Variants in RB1 observed in about 807,000 individuals in gnomAD.
RB1 encodes RB transcriptional corepressor 1, also known as retinoblastoma-associated protein.
In RB1, 18 loss-of-function variants were observed where a neutral mutation model predicts 135.4. The observed-to-expected ratio is 0.13, with a 90% CI of 0.09 to 0.20. The LOEUF is 0.20. Among genes scored for constraint, RB1 ranks in the 10% least tolerant of loss-of-function variants. RB1 has a pLI of 1.00. For synonymous variants in RB1, 365 were observed against 373.2 expected (o/e 0.98, Z 0.25); for missense variants, 868 against 1,110.0 (o/e 0.78, Z 3.10).
chr13:48,312,324 A>G (rs1952138401), intron 2 of RB1, among the ~76,000 whole-genome samples: 1 of 151,960 alleles, frequency 6.6e-6, no homozygotes, highest in Admixed American at 6.5e-5. Flanking sequence ...TCTTCCTTTC[A>G]TGTTGTGCCA....
intron 17 of RB1, among the ~76,000 whole-genome samples, chr13:48,436,849 A>C (rs1315860506): frequency 1.3e-5 from 2 of 152,180 alleles, no homozygotes; most frequent in African/African-American, 4.8e-5. Flanking sequence ...GCACAAAAAC[A>C]TTTCCTGTAA....
At chr13:48,411,690 T>A in intron 17 of RB1, 1 of 1,609,454 alleles carries the variant, frequency 6.2e-7, no homozygotes, top group Non-Finnish European at 8.5e-7. Flanking sequence ...ATTGATATTG[T>A]AAGGAACAAA....
chr13:48,466,283 C>A, intron 23 of RB1, among the ~76,000 whole-genome samples: 1 of 56,788 alleles, frequency 1.8e-5, no homozygotes, highest in Non-Finnish European at 4.8e-5. Flanking sequence ...GGGAGGCACC[C>A]CCCAGCAGGG....
chr13:48,336,617 T>C (rs929258772), intron 2 of RB1, among the ~76,000 whole-genome samples: 3 of 152,080 alleles, frequency 2.0e-5, no homozygotes, highest in African/African-American at 7.2e-5. Context: ...TCAATTTTGT[T>C]GATCTTTTCA....
intron 23 of RB1, among the ~76,000 whole-genome samples, chr13:48,472,790 G>A (rs578078295): frequency 1.1e-4 from 16 of 152,134 alleles, no homozygotes; most frequent in Admixed American, 1.0e-3. Context: ...CTAGTTCCAT[G>A]TTCATGTTTT....
At chr13:48,477,285 T>C (rs1949509817) in intron 25 of RB1, 70 bp from the exon 26 acceptor site, 1 of 1,109,332 alleles carries the variant, frequency 9.0e-7, no homozygotes, top group Non-Finnish European at 1.4e-6. Context: ...GAAAGCATCA[T>C]AGTTACTGGA....
At chr13:48,412,119 C>T (rs201217722) in intron 17 of RB1, 24 of 1,613,494 alleles carry the variant, frequency 1.5e-5, no homozygotes, top group Non-Finnish European at 1.9e-5. Context: ...CAGAATGCTT[C>T]CGTACATGTT....
At chr13:48,463,639 T>C in intron 20 of RB1, 92 bp from the exon 21 acceptor site, 1 of 859,006 alleles carries the variant, frequency 1.2e-6, no homozygotes, top group Non-Finnish European at 2.0e-6. Context: ...TAAACCTTTC[T>C]TTTTTGAGGC....
At chr13:48,316,943 G>T (rs894826296) in intron 2 of RB1, 1 of 361,984 alleles carries the variant, frequency 2.8e-6, no homozygotes, top group South Asian at 3.7e-5. Context: ...AGGCGTGCCC[G>T]CCCAAGGTGC....
chr13:48,380,223 G>T lies in RB1; in HGVS notation c.1480G>T (p.Val494Leu), dbSNP rs1465200753. ...MSLLACALEV[V>L]MATYSRSTSQ... ...TTTATTGGCGTGCGCTCTTGAGGTTGTAATGGCCACATATAGCAGTAAGTT... is the reference window on the plus strand; with the variant it reads ...TTTATTGGCGTGCGCTCTTGAGGTTTTAATGGCCACATATAGCAGTAAGTT... The change falls in exon 16 of 27, where the codon GTA (valine) becomes TTA (leucine). Residue 494 changes from valine (V) to leucine (L), a missense_variant. Val to Leu is a conservative substitution (Grantham distance 32). This residue lies in a region of RB1 where 641 missense variants were observed against 791.3 expected (regional missense o/e 0.81). Coordinates refer to ENST00000267163, the MANE Select transcript of RB1 (RefSeq NM_000321.3). The T allele has an allele frequency of 6.2e-7, 1 of 1,604,166 alleles. No individual in the cohort carries two copies. The highest frequency in any genetic ancestry group is 2.2e-5 in the East Asian group (1 of 44,614).
In RB1 at chr13:48,373,971, T is replaced by C. The variant is rs146569858; in HGVS notation, c.1215+479T>C. On this transcript the variant is annotated intron_variant, in intron 12 of 26. Coordinates refer to ENST00000267163, the MANE Select transcript of RB1 (RefSeq NM_000321.3). Reference sequence around the variant, plus strand: ...AGATAATACATTACCTGGATCCCATTTTTGCTAATTAAGAAGTCTTATGCC... The same window carrying C: ...AGATAATACATTACCTGGATCCCATCTTTGCTAATTAAGAAGTCTTATGCC... Among the ~76,000 whole-genome samples, 815 of 152,282 alleles carry C rather than the reference T, an allele frequency of 5.4e-3. 3 individuals carry two copies. Among genetic ancestry groups the C allele is most frequent in the Non-Finnish European group, 9.1e-3 (619 of 67,978 alleles).
chr13:48,434,371 CAGAT>C (rs1044325532), intron 17 of RB1, among the ~76,000 whole-genome samples: 5 of 152,036 alleles, frequency 3.3e-5, no homozygotes, highest in African/African-American at 4.8e-5. Flanking sequence ...AAAATTTTAA[CAGAT>C]AGATTATTTC....
chr13:48,449,352 T>C (rs900603909), intron 17 of RB1, among the ~76,000 whole-genome samples: 10 of 152,164 alleles, frequency 6.6e-5, no homozygotes, highest in African/African-American at 2.4e-4. Context: ...CCCCATTGCG[T>C]ATCTTTAGGT....
At chr13:48,366,544 G>T (rs1188479458) in intron 9 of RB1, among the ~76,000 whole-genome samples, 1 of 152,174 alleles carries the variant, frequency 6.6e-6, no homozygotes, top group East Asian at 1.9e-4. Context: ...CATGCCAATA[G>T]TTTTCTCTTG....
chr13:48,347,968 C>T lies in RB1; in HGVS notation c.539+105C>T, dbSNP rs1019763542. 51 of 837,818 alleles carry T rather than the reference C, an allele frequency of 6.1e-5. 1 individual carries two copies. Among genetic ancestry groups the T allele is most frequent in the Admixed American group, 4.1e-4 (18 of 43,840 alleles). The allele number at this position is 837,818 out of a possible 1,614,324, so 51.9% of individuals were successfully genotyped here. ...GGTTAGTTTGATCGATTATAGCAGG[C>T]TACTTCATAAATTAAGCCCATAGAT... On this transcript the variant is annotated intron_variant, in intron 5 of 26. Coordinates refer to ENST00000267163, the MANE Select transcript of RB1 (RefSeq NM_000321.3).
intron 5 of RB1, among the ~76,000 whole-genome samples, chr13:48,348,739 CAT>C (rs1302136414): frequency 1.3e-5 from 2 of 148,904 alleles, no homozygotes; most frequent in Non-Finnish European, 3.0e-5. Context: ...GGCTAAATAT[CAT>C]ATCTTAGAAT....
rs886050273 is a variant in RB1, at chr13:48,480,233, T to G, written c.*162T>G. 19 of 648,020 alleles carry G rather than the reference T, an allele frequency of 2.9e-5. No homozygotes were observed. Among genetic ancestry groups the G allele is most frequent in the Middle Eastern group, 3.6e-4 (1 of 2,770 alleles). 40.1% of individuals were successfully genotyped at this position (648,020 alleles called of 1,614,324 possible). A position where few individuals can be genotyped will look rare whatever the true frequency, so the allele number is the denominator to read the frequency against. On this transcript the variant is annotated 3_prime_UTR_variant, in exon 27 of 27. Coordinates refer to ENST00000267163, the MANE Select transcript of RB1 (RefSeq NM_000321.3). ...CAGATGCAATTGTTTGGGTGATTCC[T>G]AAGCCACTTGAAATGTTAGTCATTG...
Position 48,477,187 on chromosome 13 carries a change from A to G in RB1, c.2664-168A>G, listed in dbSNP as rs533166359. 1.2e-4 allele frequency among the ~76,000 whole-genome samples: 18 copies of G among 152,340 alleles called. No individual in the cohort carries two copies. In the East Asian group the frequency reaches 3.5e-3, roughly 29 times the overall value. ...ACTGAAAAAATACATAGCATCATAA[A>G]TTTGTGACATTTATGTTTTAGATGG... On this transcript the variant is annotated intron_variant, in intron 25 of 26. Coordinates refer to ENST00000267163, the MANE Select transcript of RB1 (RefSeq NM_000321.3).
chr13:48,448,269 T>C (rs1435080918), intron 17 of RB1, among the ~76,000 whole-genome samples: 1 of 152,154 alleles, frequency 6.6e-6, no homozygotes, highest in Non-Finnish European at 1.5e-5. Context: ...CTAATGAATA[T>C]AGGAAAAGAT....
Sources: allele counts gnomAD v4.1 joint callset (sites outside exome capture counted in the v4.1 genomes callset), GRCh38; gene constraint gnomAD v4.1.1; regional missense constraint gnomAD v4.1.1; transcripts MANE v1.5; gene names NCBI Gene and HGNC (gene_info 2026-07-23, HGNC 2026-07-21).